Variants in FGF12 observed in about 807,000 individuals in gnomAD.
The protein encoded by FGF12 is fibroblast growth factor 12B.
A neutral mutation model predicts 23.6 loss-of-function variants in FGF12; 14 were observed. That is an observed-to-expected ratio of 0.59 (90% CI 0.39 to 0.93). FGF12 has a LOEUF of 0.93. FGF12 is among the 40% of genes least tolerant of loss of function. The pLI is 0.00. For missense variants in FGF12, 175 were observed against 217.8 expected, an observed-to-expected ratio of 0.80 and a Z score of 1.24; for synonymous variants, 62 against 77.3, an observed-to-expected ratio of 0.80 and a Z score of 1.04.
chr3:192,383,837 A>G (rs1719930261), intron 2 of FGF12, among the ~76,000 whole-genome samples: 1 of 152,162 alleles, frequency 6.6e-6, no homozygotes, highest in Non-Finnish European at 1.5e-5. Context: ...ACCAAGTGGA[A>G]GTCGGATTTA....
chr3:192,449,049 TA>T (rs1224681674), intron 2 of FGF12, among the ~76,000 whole-genome samples: 2 of 152,202 alleles, frequency 1.3e-5, no homozygotes, highest in East Asian at 1.9e-4. Context: ...CAAAGGCTTT[TA>T]AAATCAAATC....
intron 2 of FGF12, among the ~76,000 whole-genome samples, chr3:192,627,106 T>C (rs1715199658): frequency 6.6e-6 from 1 of 152,250 alleles, no homozygotes; most frequent in East Asian, 1.9e-4. Flanking sequence ...AATGAACGAT[T>C]CCTATTGTAT....
At chr3:192,208,159 T>C (rs964241924) in intron 4 of FGF12, among the ~76,000 whole-genome samples, 1 of 152,180 alleles carries the variant, frequency 6.6e-6, no homozygotes, top group Non-Finnish European at 1.5e-5. Context: ...AAAATCTTCA[T>C]GGATGAAAAT....
chr3:192,338,033 A>C (rs1717502127), intron 3 of FGF12, among the ~76,000 whole-genome samples: 1 of 152,226 alleles, frequency 6.6e-6, no homozygotes, highest in African/African-American at 2.4e-5. Flanking sequence ...AAGTACAAAA[A>C]GATTTAGAGT....
chr3:192,437,873 G>A (rs758834426), intron 2 of FGF12, among the ~76,000 whole-genome samples: 8 of 152,002 alleles, frequency 5.3e-5, no homozygotes, highest in Non-Finnish European at 4.4e-5. Flanking sequence ...CCTACTCTTT[G>A]CCCACTCCCT....
Position 192,490,746 on chromosome 3 carries a change from G to T in FGF12, c.14-130208C>A, listed in dbSNP as rs1489020335. ...ATAGCCACATGCAACAATAAGGATA[G>T]ATCTCACAAACATAACACAAAGCAA... On this transcript the variant is annotated intron_variant, in intron 2 of 5. Transcript: ENST00000445105. Among the ~76,000 whole-genome samples, 2 of 152,108 alleles carry T rather than the reference G, an allele frequency of 1.3e-5. 1 individual carries two copies. The highest frequency in any genetic ancestry group is 2.9e-5 in the Non-Finnish European group (2 of 68,008).
chr3:192,646,332 A>T (rs1577096757), intron 2 of FGF12, among the ~76,000 whole-genome samples: 1 of 152,238 alleles, frequency 6.6e-6, no homozygotes, highest in Middle Eastern at 3.4e-3. Flanking sequence ...TTTCCAGCAC[A>T]GTATGGTATC....
Position 192,463,119 on chromosome 3 carries a change from A to C in FGF12, c.14-102581T>G, listed in dbSNP as rs147368434. On this transcript the variant is annotated intron_variant, in intron 2 of 5. Coordinates refer to ENST00000445105, the MANE Select transcript of FGF12 (RefSeq NM_004113.6). The stretch of plus-strand genomic sequence containing the variant: ...TGTTCAAAGTTGTTACTTTAGGGTG[A>C]TAGAAGATTTTGTTGTTGGCAGGGT... Among the ~76,000 whole-genome samples the C allele has an allele frequency of 7.9e-3, 1,197 of 152,274 alleles. 13 individuals are homozygous for C. Among genetic ancestry groups the C allele is most frequent in the African/African-American group, 0.026 (1,091 of 41,568 alleles).
chr3:192,409,017 C>T lies in FGF12; in HGVS notation c.14-48479G>A. ...GCGGGGCGGGGGCAGCTGTTTCCAG[C>T]TGCGGTGAGAGCAACTCCCGGCCAG... On this transcript the variant is annotated intron_variant, in intron 2 of 5. Coordinates refer to ENST00000445105, the MANE Select transcript of FGF12 (RefSeq NM_004113.6). This position sits in a 1 kb window ranked among gnomAD's most constrained non-coding sequence, Gnocchi z 4.8. The T allele has an allele frequency of 5.1e-6, 5 of 982,198 alleles. No homozygotes were observed. Among genetic ancestry groups the T allele is most frequent in the Non-Finnish European group, 6.0e-6 (5 of 829,352 alleles). The allele number at this position is 982,198 out of a possible 1,614,324, so 60.8% of individuals were successfully genotyped here. A position where few individuals can be genotyped will look rare whatever the true frequency, so the allele number is the denominator to read the frequency against.
At chr3:192,637,788 T>C (rs1715640001) in intron 2 of FGF12, among the ~76,000 whole-genome samples, 1 of 152,210 alleles carries the variant, frequency 6.6e-6, no homozygotes, top group Admixed American at 6.5e-5. Context: ...CATATAAGTC[T>C]TTAATATTTG....
intron 4 of FGF12, among the ~76,000 whole-genome samples, chr3:192,233,660 C>T (rs549926885): frequency 6.6e-6 from 1 of 151,734 alleles, no homozygotes; most frequent in African/African-American, 2.4e-5. Context: ...GATTTTTTTT[C>T]TAGGATATTT....
At chr3:192,488,256 A>G (rs1307942043) in intron 2 of FGF12, among the ~76,000 whole-genome samples, 1 of 152,170 alleles carries the variant, frequency 6.6e-6, no homozygotes, top group Non-Finnish European at 1.5e-5. Flanking sequence ...AATAGATACA[A>G]TAATTATGAA....
chr3:192,584,401 T>C (rs1713288732), intron 2 of FGF12, among the ~76,000 whole-genome samples: 1 of 152,016 alleles, frequency 6.6e-6, no homozygotes, highest in South Asian at 2.1e-4. Flanking sequence ...ATATTAGCGA[T>C]CCCTGTGGAA....
chr3:192,548,278 C>T (rs901738769), intron 2 of FGF12, among the ~76,000 whole-genome samples: 17 of 151,944 alleles, frequency 1.1e-4, no homozygotes, highest in Admixed American at 3.9e-4. Flanking sequence ...CCTTAATTCC[C>T]GAAGCATTGA....
rs142305710 is a variant in FGF12, at chr3:192,601,634, C to T, written c.13+125547G>A. On this transcript the variant is annotated intron_variant, in intron 2 of 5. Transcript: ENST00000445105. The stretch of plus-strand genomic sequence containing the variant: ...GGTTAGTGAAGATGGGGAGATCAAT[C>T]GGCAAAGCACAGAGGACTTTAAACA... Among the ~76,000 whole-genome samples the T allele has an allele frequency of 3.4e-3, 516 of 152,106 alleles. 3 individuals carry two copies. Among genetic ancestry groups the T allele is most frequent in the African/African-American group, 0.011 (474 of 41,510 alleles).
intron 4 of FGF12, among the ~76,000 whole-genome samples, chr3:192,334,783 G>C (rs1390061701): frequency 2.0e-5 from 3 of 152,238 alleles, no homozygotes; most frequent in South Asian, 2.1e-4. Context: ...GGGATATCAA[G>C]ATAGTAAATG....
At chr3:192,543,666 G>A (rs1378994775) in intron 2 of FGF12, among the ~76,000 whole-genome samples, 3 of 152,128 alleles carry the variant, frequency 2.0e-5, no homozygotes, top group African/African-American at 7.2e-5. Context: ...GGCCCACAGC[G>A]AGTACTGCCC....
intron 4 of FGF12, among the ~76,000 whole-genome samples, chr3:192,224,863 G>A (rs186803720): frequency 2.4e-4 from 37 of 152,216 alleles, no homozygotes; most frequent in African/African-American, 7.9e-4. Flanking sequence ...ACGCTAGTAG[G>A]TTACAGCAGT....
chr3:192,546,755 A>C (rs1225580733), intron 2 of FGF12, among the ~76,000 whole-genome samples: 1 of 137,770 alleles, frequency 7.3e-6, no homozygotes, highest in African/African-American at 2.6e-5. Context: ...CTATTTACAA[A>C]ATAGTAGGGT....
Sources: allele counts gnomAD v4.1 joint callset (sites outside exome capture counted in the v4.1 genomes callset), GRCh38; gene constraint gnomAD v4.1.1; non-coding constraint Gnocchi (gnomAD v3.1); transcripts MANE v1.5; gene names NCBI Gene and HGNC (gene_info 2026-07-23, HGNC 2026-07-21).